SCRG1: variants seen among roughly 807,000 people sequenced by gnomAD.
SCRG1 encodes scrapie-responsive protein 1.
SCRG1 carries 3 observed loss-of-function variants against 7.7 expected under a neutral mutation model. The ratio of observed to expected loss-of-function variants is 0.39; its 90% CI spans 0.18 to 1.01. SCRG1 has a LOEUF of 1.01. Ranked by LOEUF, SCRG1 falls within the 50% of genes least tolerant of loss-of-function variation. The probability of loss-of-function intolerance (pLI) is 0.36; values close to 1 mark genes in which losing one functional copy is unlikely to be tolerated. For missense variants in SCRG1, 110 were observed against 117.2 expected (o/e 0.94, Z 0.28); for synonymous variants, 46 against 41.2 (o/e 1.12, Z -0.44).
rs767267137 is a variant in SCRG1, at chr4:173,388,365, G to C, written c.273C>G (p.Phe91Leu). The part of the protein sequence containing the change: ...KDVFFGPKIS[F>L]VIPCNNQ The stretch of plus-strand genomic sequence containing the variant: ...CTCATTGATTGTTGCAAGGAATCAC[G>C]AAAGAGATCTTTGGTCCAAAGAAAA... Residue 91 changes from phenylalanine (F) to leucine (L), a missense_variant, in exon 3 of 3, where the codon TTC (phenylalanine) becomes TTG (leucine). Phe to Leu is a conservative substitution (Grantham distance 22). Coordinates refer to ENST00000296506, the MANE Select transcript of SCRG1 (RefSeq NM_007281.4). 2 of 1,611,748 alleles carry C rather than the reference G, an allele frequency of 1.2e-6. No individual in the cohort carries two copies. Among genetic ancestry groups the C allele is most frequent in the African/African-American group, 2.7e-5 (2 of 74,854 alleles).
chr4:173,436,432 G>A, the SCRG1 span, among the ~76,000 whole-genome samples: 3 of 152,052 alleles, frequency 2.0e-5, no homozygotes, highest in African/African-American at 4.8e-5. Flanking sequence ...TCTCAAACTC[G>A]CAGAACCTGT....
the SCRG1 span, among the ~76,000 whole-genome samples, chr4:173,503,218 G>A: frequency 6.6e-6 from 1 of 152,218 alleles, no homozygotes; most frequent in Non-Finnish European, 1.5e-5. This position sits in a 1 kb window ranked among gnomAD's most constrained non-coding sequence, Gnocchi z 6.4. Context: ...CTGGCAGCAG[G>A]TGGGCAGGAG....
the SCRG1 span, among the ~76,000 whole-genome samples, chr4:173,494,939 G>T: frequency 6.6e-6 from 1 of 152,174 alleles, no homozygotes; most frequent in South Asian, 2.1e-4. Flanking sequence ...TCTTATACCG[G>T]CTGAGAGGAA....
upstream of SCRG1, among the ~76,000 whole-genome samples, chr4:173,401,980 C>T (rs17325472): frequency 6.6e-6 from 1 of 152,000 alleles, no homozygotes; most frequent in African/African-American, 2.4e-5. Flanking sequence ...ATTTGTGGCT[C>T]AAATCTGAAA....
chr4:173,442,105 ATTCCC>A, the SCRG1 span, among the ~76,000 whole-genome samples: 3 of 152,184 alleles, frequency 2.0e-5, no homozygotes, highest in African/African-American at 7.2e-5. Context: ...CGGATCTTAA[ATTCCC>A]TGACAGCTGC....
At chr4:173,465,334 T>C in the SCRG1 span, among the ~76,000 whole-genome samples, 7 of 152,296 alleles carry the variant, frequency 4.6e-5, no homozygotes, top group East Asian at 1.9e-4. Flanking sequence ...TTTTTCCAGA[T>C]GTTTTCAGCA....
chr4:173,454,225 C>T, the SCRG1 span, among the ~76,000 whole-genome samples: 5 of 152,170 alleles, frequency 3.3e-5, no homozygotes, highest in African/African-American at 9.6e-5. Context: ...AGTTGAAAAC[C>T]TACAAAAGAC....
the SCRG1 span, among the ~76,000 whole-genome samples, chr4:173,440,208 A>C: frequency 6.6e-6 from 1 of 152,188 alleles, no homozygotes; most frequent in African/African-American, 2.4e-5. Flanking sequence ...TTTCATTTCT[A>C]ACTTTTGCTC....
chr4:173,395,753 G>T (rs138499522), intron 1 of SCRG1, among the ~76,000 whole-genome samples: 2,279 of 152,256 alleles, frequency 0.015, 61 homozygotes, highest in African/African-American at 0.05. Flanking sequence ...TTTATAAGCT[G>T]GTTAACCATT....
chr4:173,432,540 T>C, the SCRG1 span, among the ~76,000 whole-genome samples: 4 of 151,950 alleles, frequency 2.6e-5, no homozygotes, highest in Non-Finnish European at 2.9e-5. Context: ...TTTCTACCCA[T>C]TCGCCGGTAT....
At chr4:173,517,616 G>A in the SCRG1 span, among the ~76,000 whole-genome samples, 1 of 152,132 alleles carries the variant, frequency 6.6e-6, no homozygotes, top group Non-Finnish European at 1.5e-5. Flanking sequence ...TTGCGTGACC[G>A]GATTGTTTCT....
the SCRG1 span, among the ~76,000 whole-genome samples, chr4:173,495,169 G>A: frequency 6.6e-6 from 1 of 152,204 alleles, no homozygotes; most frequent in Non-Finnish European, 1.5e-5. Context: ...CTGTATTATT[G>A]TTTTATTATT....
the SCRG1 span, among the ~76,000 whole-genome samples, chr4:173,462,486 A>G: frequency 1.3e-5 from 2 of 152,204 alleles, no homozygotes; most frequent in South Asian, 4.1e-4. Flanking sequence ...TGAAGGAGAA[A>G]TAAAGACTTT....
At chr4:173,517,289 C>T in the SCRG1 span, among the ~76,000 whole-genome samples, 3 of 152,226 alleles carry the variant, frequency 2.0e-5, no homozygotes, top group East Asian at 5.8e-4. Context: ...GAACCTTTTA[C>T]AAGGCATGTG....
chr4:173,419,733 C>A, the SCRG1 span: 1 of 1,144,650 alleles, frequency 8.7e-7, no homozygotes, highest in Non-Finnish European at 1.3e-6. Flanking sequence ...GCAAGGTCTG[C>A]GACCAAATAG....
Position 173,391,373 on chromosome 4 carries a change from CAA to C in SCRG1, c.40_41del (p.Leu14AlafsTer33). On this transcript the variant is annotated frameshift_variant, in exon 2 of 3. Coordinates refer to ENST00000296506, the MANE Select transcript of SCRG1 (RefSeq NM_007281.4). LOFTEE classifies it high-confidence loss of function. ...CAGGCATGGCTTGAACTCCTAGCAG[CAA>C]AGTTAGCCCAATGGTGAAAACAAGT... Reference protein sequence around the residue: ...MVLVFTIGLTLLLGVQAMPAN... With the variant: ...MVLVFTIGLTXLLGVQAMPAN... 1 of 1,614,156 alleles carries C rather than the reference CAA, an allele frequency of 6.2e-7. No homozygotes were observed. Among genetic ancestry groups the C allele is most frequent in the Non-Finnish European group, 8.5e-7 (1 of 1,180,030 alleles).
the SCRG1 span, among the ~76,000 whole-genome samples, chr4:173,460,659 G>A: frequency 6.6e-6 from 1 of 152,152 alleles, no homozygotes; most frequent in Non-Finnish European, 1.5e-5. Flanking sequence ...TAAATAACCA[G>A]CAGTGATAGC....
the SCRG1 span, among the ~76,000 whole-genome samples, chr4:173,495,897 C>A: frequency 1.6e-4 from 24 of 152,322 alleles, no homozygotes; most frequent in African/African-American, 5.8e-4. Context: ...GATATATACT[C>A]CACAATCAGC....
chr4:173,483,377 T>TTATATATTATGTATTATATCATGA, the SCRG1 span, among the ~76,000 whole-genome samples: 2 of 16,150 alleles, frequency 1.2e-4, 1 homozygote, highest in Non-Finnish European at 2.4e-4. Flanking sequence ...TAATATTATA[T>TTATATATTATGTATTATATCATGA]TATATATTAT....
Sources: gnomAD v4.1 joint callset for allele counts (sites outside exome capture counted in the v4.1 genomes callset) on GRCh38, gnomAD v4.1.1 for gene constraint, Gnocchi (gnomAD v3.1) non-coding constraint, MANE v1.5 for transcripts, NCBI Gene and HGNC (gene_info 2026-07-23, HGNC 2026-07-21) for gene names.